Variants in KIAA0319L observed in about 807,000 individuals in gnomAD.
KIAA0319L encodes dyslexia-associated protein KIAA0319-like protein.
A neutral mutation model predicts 120.1 loss-of-function variants in KIAA0319L; 55 were observed. The observed-to-expected ratio is 0.46, with a 90% CI of 0.37 to 0.57. KIAA0319L has a LOEUF of 0.57. Ranked by LOEUF, KIAA0319L falls within the 20% of genes least tolerant of loss-of-function variation. The pLI, the probability that KIAA0319L is intolerant of heterozygous loss-of-function variation, is 0.00. For missense variants in KIAA0319L, 1,049 were observed against 1,255.3 expected (o/e 0.84, Z 2.48); for synonymous variants, 398 against 471.9 (o/e 0.84, Z 2.03).
At chr1:35,545,553 T>C (rs1207438822) in intron 2 of KIAA0319L, among the ~76,000 whole-genome samples, 2 of 152,082 alleles carry the variant, frequency 1.3e-5, no homozygotes, top group Non-Finnish European at 2.9e-5. Flanking sequence ...TGCAGAGAAA[T>C]GGAGCCCTCT....
chr1:35,464,861 T>C (rs1352374512), intron 7 of KIAA0319L, among the ~76,000 whole-genome samples: 1 of 152,226 alleles, frequency 6.6e-6, no homozygotes. Flanking sequence ...AGGGCCAATG[T>C]AGAGCTCAGG....
At chr1:35,452,824 G>GTCAA (rs1246520444) in intron 12 of KIAA0319L, among the ~76,000 whole-genome samples, 3 of 146,222 alleles carry the variant, frequency 2.1e-5, no homozygotes, top group Non-Finnish European at 4.5e-5. Context: ...CAATGCCTTT[G>GTCAA]TCAAACAAAC....
At chr1:35,512,946 T>C (rs1199945399) in intron 2 of KIAA0319L, among the ~76,000 whole-genome samples, 1 of 150,092 alleles carries the variant, frequency 6.7e-6, no homozygotes, top group Admixed American at 6.6e-5. Context: ...CTATACACTA[T>C]AGCCCAGGGG....
intron 3 of KIAA0319L, among the ~76,000 whole-genome samples, chr1:35,498,575 C>T (rs563603357): frequency 7.2e-5 from 11 of 152,280 alleles, no homozygotes; most frequent in African/African-American, 2.6e-4. Context: ...CTCCCTTCCT[C>T]CCTGCCTCCA....
At chr1:35,550,772 G>A (rs1647171199) in intron 2 of KIAA0319L, among the ~76,000 whole-genome samples, 1 of 151,884 alleles carries the variant, frequency 6.6e-6, no homozygotes, top group South Asian at 2.1e-4. Context: ...GCCTCACTAT[G>A]TTGCCGGCTG....
chr1:35,492,401 C>T (rs1644631148), intron 3 of KIAA0319L, among the ~76,000 whole-genome samples: 1 of 152,056 alleles, frequency 6.6e-6, no homozygotes, highest in Non-Finnish European at 1.5e-5. Context: ...GTAGTCCCAG[C>T]TACTCAGGAG....
intron 2 of KIAA0319L, among the ~76,000 whole-genome samples, chr1:35,540,505 G>A (rs1333243297): frequency 6.6e-6 from 1 of 152,084 alleles, no homozygotes; most frequent in Non-Finnish European, 1.5e-5. Context: ...CAACTTGGGG[G>A]CAAAGGCTGC....
chr1:35,465,024 G>C (rs1643158224), intron 7 of KIAA0319L, among the ~76,000 whole-genome samples: 1 of 152,244 alleles, frequency 6.6e-6, no homozygotes, highest in Non-Finnish European at 1.5e-5. Context: ...GCAGATGTCT[G>C]CTGCAGAGGC....
intron 2 of KIAA0319L, among the ~76,000 whole-genome samples, chr1:35,519,377 C>G (rs1645819003): frequency 6.6e-6 from 1 of 152,120 alleles, no homozygotes. Context: ...TGTATAACTT[C>G]AACCATATGA....
Position 35,450,406 on chromosome 1 carries a change from T to C in KIAA0319L, c.2166A>G (p.Gly722=). 2 of 1,614,110 alleles carry C rather than the reference T, an allele frequency of 1.2e-6. No homozygotes were observed. The highest frequency in any genetic ancestry group is 1.7e-6 in the Non-Finnish European group (2 of 1,179,972). ...LDGSKSSDDK[G]IVSYLWTRDE... ...CTCGAGTCCAGAGGTAGCTGACTAT[T>C]CCCTTGTCATCTGAGGACTTAGAGC... Residue 722 remains glycine, a synonymous_variant, in exon 14 of 21, where the codon GGA becomes GGG. Transcript: ENST00000325722.
chr1:35,546,963 TATAA>T (rs1436030638), intron 2 of KIAA0319L, among the ~76,000 whole-genome samples: 5 of 148,686 alleles, frequency 3.4e-5, no homozygotes, highest in African/African-American at 1.2e-4. Flanking sequence ...CACTCCTATA[TATAA>T]ATATATATAT....
chr1:35,507,802 G>C (rs1049144480), intron 2 of KIAA0319L, among the ~76,000 whole-genome samples: 4 of 152,194 alleles, frequency 2.6e-5, no homozygotes, highest in Admixed American at 6.5e-5. Flanking sequence ...CTGCTAGAAA[G>C]AACTTCCTAA....
intron 17 of KIAA0319L, chr1:35,443,399 T>C (rs1330256653): frequency 2.4e-4 from 45 of 185,196 alleles, no homozygotes; most frequent in Admixed American, 2.2e-3. Context: ...AGGCTGGGCA[T>C]GGTAGCTCAC....
At chr1:35,530,613 T>C (rs751360405) in intron 2 of KIAA0319L, among the ~76,000 whole-genome samples, 10 of 152,246 alleles carry the variant, frequency 6.6e-5, no homozygotes, top group African/African-American at 1.2e-4. Context: ...TGGAGAATTA[T>C]TGTGTTCTTT....
chr1:35,512,156 G>C (rs2148416803), intron 2 of KIAA0319L, among the ~76,000 whole-genome samples: 2 of 152,028 alleles, frequency 1.3e-5, no homozygotes, highest in African/African-American at 4.8e-5. Context: ...TGTAATCCCA[G>C]TTACTCAGAA....
At chr1:35,494,342 A>G (rs1486250074) in intron 3 of KIAA0319L, among the ~76,000 whole-genome samples, 1 of 151,566 alleles carries the variant, frequency 6.6e-6, no homozygotes, top group East Asian at 2.0e-4. Flanking sequence ...CCAGCTACTC[A>G]AGAGGCTGAG....
intron 7 of KIAA0319L, among the ~76,000 whole-genome samples, chr1:35,463,164 C>A (rs1643018239): frequency 6.6e-6 from 1 of 152,172 alleles, no homozygotes; most frequent in Admixed American, 6.5e-5. Context: ...CTGGGGACCC[C>A]TGCATTACAT....
At chr1:35,500,607 T>C (rs1387270528) in intron 3 of KIAA0319L, among the ~76,000 whole-genome samples, 3 of 152,270 alleles carry the variant, frequency 2.0e-5, no homozygotes, top group Admixed American at 6.5e-5. Context: ...AAGCAATTTA[T>C]GATACAATTT....
Position 35,434,591 on chromosome 1 carries a change from G to A in KIAA0319L, c.*303C>T. 1 of 365,974 alleles carries A rather than the reference G, an allele frequency of 2.7e-6. No homozygotes were observed. The highest frequency in any genetic ancestry group is 5.7e-5 in the East Asian group (1 of 17,508). The allele number at this position is 365,974 out of a possible 1,614,324, so 22.7% of individuals were successfully genotyped here. On this transcript the variant is annotated 3_prime_UTR_variant, in exon 21 of 21. Transcript: ENST00000325722. ...TGACACTGTCCACTGGGGAGCTGCAGAGCTTAGCAGCTGGCTGGGTCTGCC... is the reference window on the plus strand; with the variant it reads ...TGACACTGTCCACTGGGGAGCTGCAAAGCTTAGCAGCTGGCTGGGTCTGCC...
Sources: allele counts gnomAD v4.1 joint callset (sites outside exome capture counted in the v4.1 genomes callset), GRCh38; gene constraint gnomAD v4.1.1; transcripts MANE v1.5; gene names NCBI Gene and HGNC (gene_info 2026-07-23, HGNC 2026-07-21).